Variants in ADAM12 observed in about 807,000 individuals in gnomAD.
ADAM12 encodes disintegrin and metalloproteinase domain-containing protein 12.
A neutral mutation model predicts 106.4 loss-of-function variants in ADAM12; 70 were observed. That is an observed-to-expected ratio of 0.66 (90% CI 0.54 to 0.80). The LOEUF is 0.80. Ranked by LOEUF, ADAM12 falls within the 30% of genes least tolerant of loss-of-function variation. The pLI, the probability that ADAM12 is intolerant of heterozygous loss-of-function variation, is 0.00. For missense variants in ADAM12, 1,010 were observed against 1,171.9 expected (o/e 0.86, Z 2.02); for synonymous variants, 420 against 433.5 (o/e 0.97, Z 0.39).
chr10:126,366,509 A>AG (rs201031548), intron 1 of ADAM12, among the ~76,000 whole-genome samples: 2,079 of 152,226 alleles, frequency 0.014, 23 homozygotes, highest in Middle Eastern at 0.034. Flanking sequence ...TGGGAAAAGA[A>AG]GGGAAAAAAG....
chr10:126,101,320 G>T, intron 8 of ADAM12, 79 bp from the exon 9 acceptor site: 1 of 1,475,842 alleles, frequency 6.8e-7, no homozygotes, highest in Non-Finnish European at 9.3e-7. Flanking sequence ...GAACAGATTT[G>T]CGTTATTTGA....
chr10:126,287,892 G>A (rs1376246441), intron 2 of ADAM12, among the ~76,000 whole-genome samples: 1 of 151,934 alleles, frequency 6.6e-6, no homozygotes, highest in South Asian at 2.1e-4. Flanking sequence ...AACTTCCCAA[G>A]GACAAAGAAT....
At chr10:126,046,777 T>C (rs1368765589) in intron 16 of ADAM12, among the ~76,000 whole-genome samples, 1 of 121,074 alleles carries the variant, frequency 8.3e-6, no homozygotes, top group African/African-American at 3.3e-5. Flanking sequence ...CACTCCAGTC[T>C]GGCGACAGAG....
chr10:126,356,286 A>G (rs1855536536), intron 1 of ADAM12, among the ~76,000 whole-genome samples: 1 of 152,198 alleles, frequency 6.6e-6, no homozygotes, highest in African/African-American at 2.4e-5. Flanking sequence ...ATCAGAGGAA[A>G]TTGCAATGAC....
chr10:126,380,724 T>A (rs1175352368), intron 1 of ADAM12, among the ~76,000 whole-genome samples: 1 of 152,220 alleles, frequency 6.6e-6, no homozygotes, highest in East Asian at 1.9e-4. Context: ...ATTGTCTAGA[T>A]TATACCAATT....
chr10:126,047,512 G>A (rs1954359128), intron 16 of ADAM12, among the ~76,000 whole-genome samples: 1 of 152,094 alleles, frequency 6.6e-6, no homozygotes, highest in South Asian at 2.1e-4. Context: ...TCTTGAACGT[G>A]GAAAACAAAT....
intron 10 of ADAM12, among the ~76,000 whole-genome samples, chr10:126,096,269 T>C (rs1955557182): frequency 6.6e-6 from 1 of 152,264 alleles, no homozygotes; most frequent in Non-Finnish European, 1.5e-5. Flanking sequence ...TTTTGTGTCA[T>C]TGAATGTCTT....
chr10:126,386,752 G>C (rs1016516177), intron 1 of ADAM12, among the ~76,000 whole-genome samples: 2 of 152,160 alleles, frequency 1.3e-5, no homozygotes, highest in Admixed American at 6.5e-5. Flanking sequence ...ACCATGTCAG[G>C]CACACTTTGA....
intron 3 of ADAM12, among the ~76,000 whole-genome samples, chr10:126,170,053 G>A (rs959226118): frequency 1.3e-5 from 2 of 152,226 alleles, no homozygotes; most frequent in Admixed American, 6.5e-5. Context: ...GCTCGGTGAA[G>A]AACTTGTATT....
intron 3 of ADAM12, among the ~76,000 whole-genome samples, chr10:126,215,290 A>C (rs147685687): frequency 5.3e-4 from 81 of 152,292 alleles, no homozygotes; most frequent in African/African-American, 1.9e-3. Flanking sequence ...TGGTGGGGGA[A>C]GGAGGTACAT....
intron 14 of ADAM12, among the ~76,000 whole-genome samples, chr10:126,050,605 C>T (rs976177186): frequency 6.6e-6 from 1 of 152,244 alleles, no homozygotes; most frequent in Non-Finnish European, 1.5e-5. Context: ...CTTCTCTGCT[C>T]TCCACCCTGG....
intron 21 of ADAM12, among the ~76,000 whole-genome samples, chr10:126,031,287 G>A (rs1002749687): frequency 6.6e-6 from 1 of 152,154 alleles, no homozygotes; most frequent in Non-Finnish European, 1.5e-5. Flanking sequence ...ATTACAAATT[G>A]GCATTTCTGA....
intron 2 of ADAM12, among the ~76,000 whole-genome samples, chr10:126,310,398 G>T (rs963368477): frequency 6.6e-6 from 1 of 152,112 alleles, no homozygotes. Context: ...GTAAGAGAAA[G>T]AAATCACCAA....
intron 1 of ADAM12, among the ~76,000 whole-genome samples, chr10:126,380,117 C>A (rs1372908305): frequency 6.6e-6 from 1 of 152,112 alleles, no homozygotes; most frequent in Non-Finnish European, 1.5e-5. Context: ...TAAAAAATAT[C>A]AATATGATGC....
At chr10:126,128,712 G>A (rs1031519270) in intron 5 of ADAM12, among the ~76,000 whole-genome samples, 2 of 151,072 alleles carry the variant, frequency 1.3e-5, no homozygotes, top group African/African-American at 4.9e-5. Context: ...GTGTGCAAGT[G>A]GGCGCCTGTG....
At chr10:126,144,104 C>A (rs576371883) in intron 4 of ADAM12, among the ~76,000 whole-genome samples, 10 of 152,284 alleles carry the variant, frequency 6.6e-5, no homozygotes, top group African/African-American at 2.4e-4. Flanking sequence ...TCAGGGACCA[C>A]TGAAATCATT....
chr10:126,050,235 C>T (rs960897650), intron 14 of ADAM12, among the ~76,000 whole-genome samples: 3 of 152,172 alleles, frequency 2.0e-5, no homozygotes, highest in Admixed American at 1.3e-4. Flanking sequence ...TCTCAGAGGC[C>T]ATGGAGTCAT....
intron 1 of ADAM12, among the ~76,000 whole-genome samples, chr10:126,363,599 G>A (rs1855810497): frequency 6.6e-6 from 1 of 152,126 alleles, no homozygotes; most frequent in African/African-American, 2.4e-5. Context: ...CCAAGCAGAT[G>A]CTTGAAATGG....
chr10:126,090,486 C>T (rs1185837898), intron 11 of ADAM12, among the ~76,000 whole-genome samples: 3 of 152,178 alleles, frequency 2.0e-5, no homozygotes, highest in Non-Finnish European at 4.4e-5. Context: ...GCCCTCACCT[C>T]CCTAAGACCA....
Sources: allele counts gnomAD v4.1 joint callset (sites outside exome capture counted in the v4.1 genomes callset), GRCh38; gene constraint gnomAD v4.1.1; transcripts MANE v1.5; gene names NCBI Gene and HGNC (gene_info 2026-07-23, HGNC 2026-07-21).